HOOK2: variants seen among roughly 807,000 people sequenced by gnomAD.
HOOK2 encodes the protein protein Hook homolog 2.
Under a neutral mutation model 111.9 loss-of-function variants are expected in HOOK2, and 108 were observed. That is an observed-to-expected ratio of 0.96 (90% CI 0.83 to 1.13). HOOK2 has a LOEUF of 1.13. Ranked by LOEUF, HOOK2 falls within the 50% of genes most tolerant of loss-of-function variation. The pLI, the probability that HOOK2 is intolerant of heterozygous loss-of-function variation, is 0.00. For missense variants in HOOK2, 978 were observed against 951.3 expected, an observed-to-expected ratio of 1.03 and a Z score of -0.37; for synonymous variants, 405 against 394.3, an observed-to-expected ratio of 1.03 and a Z score of -0.32.
intron 3 of HOOK2, among the ~76,000 whole-genome samples, chr19:12,787,475 A>G (rs1968668914): frequency 6.6e-6 from 1 of 151,972 alleles, no homozygotes; most frequent in African/African-American, 2.4e-5. Flanking sequence ...TACTAAAAAT[A>G]CAAAAAATTA....
intron 1 of HOOK2, 196 bp downstream of exon 1, chr19:12,775,209 G>A (rs926513874): frequency 1.0e-6 from 1 of 985,322 alleles, no homozygotes; most frequent in African/African-American, 1.7e-5. Flanking sequence ...ACAGAGGGGC[G>A]GGGCCTCACC....
intron 3 of HOOK2, among the ~76,000 whole-genome samples, chr19:12,787,537 C>T (rs1449514466): frequency 6.6e-6 from 1 of 151,838 alleles, no homozygotes; most frequent in Non-Finnish European, 1.5e-5. Context: ...GAGGCTGAGG[C>T]AGAAGAATAG....
chr19:12,783,313 C>A (rs937033326), upstream of HOOK2, among the ~76,000 whole-genome samples: 17 of 150,408 alleles, frequency 1.1e-4, no homozygotes, highest in South Asian at 1.7e-3. Flanking sequence ...GGCGCCCCCC[C>A]CAACTCCGCC....
chr19:12,791,490 C>G lies in HOOK2; in HGVS notation n.42-17265G>C. ...TGTGGCTCAGGCTGAGCGGCTGGGA[C>G]CTTGAGAGCGGCCAGGCCAGCCTCG... is the stretch of plus-strand genomic sequence containing the variant. On this transcript the variant is annotated intron_variant and non_coding_transcript_variant, in intron 3 of 3. Coordinates refer to the HOOK2 transcript ENST00000589765. The surrounding 1 kb of genome is among the most constrained non-coding windows in gnomAD (Gnocchi z 7.0). 1 of 388,154 alleles carries G rather than the reference C, an allele frequency of 2.6e-6. No individual in the cohort carries two copies. Among genetic ancestry groups the G allele is most frequent in the South Asian group, 4.6e-5 (1 of 21,908 alleles). The allele number at this position is 388,154 out of a possible 1,614,324, so 24.0% of individuals were successfully genotyped here. A position where few individuals can be genotyped will look rare whatever the true frequency, so the allele number is the denominator to read the frequency against.
Position 12,775,542 on chromosome 19 carries a change from C to G in HOOK2, c.-93G>C. 1 of 1,408,524 alleles carries G rather than the reference C, an allele frequency of 7.1e-7. No individual in the cohort carries two copies. Among genetic ancestry groups the G allele is most frequent in the Non-Finnish European group, 9.5e-7 (1 of 1,048,554 alleles). 87.3% of individuals were successfully genotyped at this position (1,408,524 alleles called of 1,614,324 possible). ...AGCGAGCGCCCGCAGCCCCGACCTC[C>G]CGCTCGGCCTAGAGCGCCGCCCCGC... On this transcript the variant is annotated 5_prime_UTR_variant, in exon 1 of 23. Coordinates refer to ENST00000397668, the MANE Select transcript of HOOK2 (RefSeq NM_013312.3).
chr19:12,789,455 C>T (rs1316994200), intron 3 of HOOK2, among the ~76,000 whole-genome samples: 1 of 152,116 alleles, frequency 6.6e-6, no homozygotes, highest in Admixed American at 6.5e-5. Context: ...GGGGGGCTCC[C>T]TCTAGGTATT....
chr19:12,767,959 G>A lies in HOOK2; in HGVS notation c.1215+54C>T, dbSNP rs1156431193. The A allele has an allele frequency of 3.7e-6, 6 of 1,610,266 alleles. No homozygotes were observed. The South Asian group carries it at 5.5e-5, about 15-fold the overall frequency. On this transcript the variant is annotated intron_variant, in intron 12 of 22. Transcript: ENST00000397668. Reference sequence around the variant, plus strand: ...GGTCAGGCTCGGCCTCCTGGGAAATGGGCTACCCCAGAATTGGCAGGGTGG... The same window carrying A: ...GGTCAGGCTCGGCCTCCTGGGAAATAGGCTACCCCAGAATTGGCAGGGTGG...
At chr19:12,789,195 AAGAGAG>A (rs58377920) in intron 3 of HOOK2, among the ~76,000 whole-genome samples, 17,387 of 149,806 alleles carry the variant, frequency 0.12, 2,286 homozygotes, top group African/African-American at 0.33. Flanking sequence ...GAGAGAGACA[AAGAGAG>A]AGAGAGAGAG....
chr19:12,767,947 C>T (rs1178652017), intron 12 of HOOK2, 44 bp from the exon 13 acceptor site: 1 of 1,610,860 alleles, frequency 6.2e-7, no homozygotes, highest in South Asian at 1.1e-5. Flanking sequence ...CAGGCTCGGC[C>T]TCCTGGGAAA....
chr19:12,775,363 G>C, intron 1 of HOOK2, 42 bp downstream of exon 1: 1 of 1,600,944 alleles, frequency 6.2e-7, no homozygotes, highest in Non-Finnish European at 8.5e-7. Context: ...CGGGCAAGAG[G>C]AGCGGGCGCT....
At position 12,791,531 on chromosome 19, in the gene HOOK2, TGGGAGCTG is replaced by T; in HGVS notation, n.42-17314_42-17307del. 1 of 463,040 alleles carries T rather than the reference TGGGAGCTG, an allele frequency of 2.2e-6. No homozygotes were observed. The highest frequency in any genetic ancestry group is 3.8e-6 in the Non-Finnish European group (1 of 262,688). The allele number at this position is 463,040 out of a possible 1,614,324, so 28.7% of individuals were successfully genotyped here. On this transcript the variant is annotated intron_variant and non_coding_transcript_variant, in intron 3 of 3. Transcript: ENST00000589765. The surrounding 1 kb of genome is among the most constrained non-coding windows in gnomAD (Gnocchi z 7.0). ...GCCAGCCTCGGAGCCAGCAGGGAGC[TGGGAGCTG>T]GGGGAAACGACGCCAGGAAAGCTAT...
chr19:12,789,412 G>A (rs1410643236), intron 3 of HOOK2, among the ~76,000 whole-genome samples: 1 of 152,106 alleles, frequency 6.6e-6, no homozygotes, highest in Non-Finnish European at 1.5e-5. Context: ...GGGGAGGGAA[G>A]CTCTCAGATG....
chr19:12,787,739 G>T (rs984821499), intron 3 of HOOK2, among the ~76,000 whole-genome samples: 2 of 152,046 alleles, frequency 1.3e-5, no homozygotes, highest in Non-Finnish European at 2.9e-5. Context: ...ACTGTGTTTG[G>T]CCAAAGTGAG....
At chr19:12,784,136 G>C (rs1465188947) in intron 3 of HOOK2, among the ~76,000 whole-genome samples, 1 of 152,200 alleles carries the variant, frequency 6.6e-6, no homozygotes, top group Non-Finnish European at 1.5e-5. Context: ...TGGCTGGACA[G>C]ACGGAGGAGG....
At chr19:12,782,758 G>T (rs1968618047), upstream of HOOK2, among the ~76,000 whole-genome samples, 2 of 152,188 alleles carry the variant, frequency 1.3e-5, no homozygotes, top group Non-Finnish European at 2.9e-5. Flanking sequence ...CCGGGAGGGG[G>T]CCTCCGTTAA....
upstream of HOOK2, among the ~76,000 whole-genome samples, chr19:12,781,486 C>G (rs1968601271): frequency 2.0e-5 from 3 of 151,506 alleles, no homozygotes; most frequent in Non-Finnish European, 4.4e-5. Context: ...GCCACTACGC[C>G]TGGCTAATTT....
At chr19:12,765,411 A>T in intron 18 of HOOK2, 1 of 586,480 alleles carries the variant, frequency 1.7e-6, no homozygotes, top group South Asian at 2.0e-5. Flanking sequence ...GCAGCCAGGG[A>T]TCTTTCTAGA....
At chr19:12,773,253 T>G in intron 3 of HOOK2, 3 of 513,916 alleles carry the variant, frequency 5.8e-6, no homozygotes, top group Non-Finnish European at 6.8e-6. Flanking sequence ...TTTTTTTTTT[T>G]TGCTTTAGCT....
rs563615410 is a variant in HOOK2, at chr19:12,769,213, C to T, written c.1104+668G>A. Among the ~76,000 whole-genome samples, 69 of 151,716 alleles carry T rather than the reference C, an allele frequency of 4.5e-4. 1 individual carries two copies. The highest frequency in any genetic ancestry group is 9.9e-4 in the Non-Finnish European group (67 of 67,890). The stretch of plus-strand genomic sequence containing the variant: ...ATCTCCTGACCTCGGGATCCACCCG[C>T]CTCGGCCTCCCAAAGTGCTGGGATT... On this transcript the variant is annotated intron_variant, in intron 11 of 22. Transcript: ENST00000397668.
Sources: allele counts gnomAD v4.1 joint callset (sites outside exome capture counted in the v4.1 genomes callset), GRCh38; gene constraint gnomAD v4.1.1; non-coding constraint Gnocchi (gnomAD v3.1); transcripts MANE v1.5; gene names NCBI Gene and HGNC (gene_info 2026-07-23, HGNC 2026-07-21).